TMEM132D: variants seen among roughly 807,000 people sequenced by gnomAD.
The protein encoded by TMEM132D is mature OL transmembrane protein.
TMEM132D carries 21 observed loss-of-function variants against 62.3 expected under a neutral mutation model. That is an observed-to-expected ratio of 0.34 (90% CI 0.24 to 0.49). TMEM132D has a LOEUF of 0.49. Among genes scored for constraint, TMEM132D ranks in the 20% least tolerant of loss-of-function variants. The pLI is 0.99. For synonymous variants in TMEM132D, 621 were observed against 575.6 expected, an observed-to-expected ratio of 1.08 and a Z score of -1.13; for missense variants, 1,346 against 1,402.8, an observed-to-expected ratio of 0.96 and a Z score of 0.65.
At chr12:129,765,702 A>G (rs192133964) in intron 1 of TMEM132D, among the ~76,000 whole-genome samples, 5 of 152,230 alleles carry the variant, frequency 3.3e-5, no homozygotes, top group Admixed American at 3.3e-4. Context: ...ATGTGTTTCA[A>G]TATCACCCAT....
chr12:129,609,701 G>A (rs867564987), intron 2 of TMEM132D, among the ~76,000 whole-genome samples: 5 of 152,164 alleles, frequency 3.3e-5, no homozygotes, highest in East Asian at 3.9e-4. Flanking sequence ...CTCATCCCAC[G>A]AAGAGGTCGG....
At chr12:129,729,176 AT>A (rs1459983298) in intron 1 of TMEM132D, among the ~76,000 whole-genome samples, 1 of 152,160 alleles carries the variant, frequency 6.6e-6, no homozygotes, top group Non-Finnish European at 1.5e-5. Context: ...CTTATGCCTC[AT>A]TTGTATTACC....
chr12:129,187,890 C>A (rs753661432), intron 5 of TMEM132D, among the ~76,000 whole-genome samples: 1 of 152,202 alleles, frequency 6.6e-6, no homozygotes, highest in East Asian at 1.9e-4. Flanking sequence ...TCACTGTCAC[C>A]CTATCCTGTA....
chr12:129,368,355 A>T (rs1054715607), intron 3 of TMEM132D, among the ~76,000 whole-genome samples: 1 of 152,092 alleles, frequency 6.6e-6, no homozygotes, highest in African/African-American at 2.4e-5. Context: ...AATATTCCTT[A>T]ACCCCTTCCA....
At chr12:129,246,765 CAAAA>C (rs60215528) in intron 4 of TMEM132D, among the ~76,000 whole-genome samples, 53,419 of 148,406 alleles carry the variant, frequency 0.36, 9,989 homozygotes, top group African/African-American at 0.49. Context: ...GACTCTATCT[CAAAA>C]AAAAAAAAAA....
intron 5 of TMEM132D, among the ~76,000 whole-genome samples, chr12:129,089,547 G>A (rs74374329): frequency 3.3e-5 from 4 of 122,050 alleles, no homozygotes; most frequent in African/African-American, 1.3e-4. Flanking sequence ...CTCCATGACC[G>A]GGTGTCCTCC....
intron 5 of TMEM132D, among the ~76,000 whole-genome samples, chr12:129,147,337 T>TA (rs1168491506): frequency 6.7e-6 from 1 of 149,606 alleles, no homozygotes; most frequent in Non-Finnish European, 1.5e-5. Flanking sequence ...TACATATATA[T>TA]TTTTTCTGAA....
At chr12:129,254,098 C>T (rs2135591928) in intron 4 of TMEM132D, among the ~76,000 whole-genome samples, 1 of 152,226 alleles carries the variant, frequency 6.6e-6, no homozygotes. Context: ...GCCCAAGATG[C>T]CTAAATACAC....
intron 1 of TMEM132D, among the ~76,000 whole-genome samples, chr12:129,731,498 G>A (rs1023158407): frequency 6.6e-6 from 1 of 152,106 alleles, no homozygotes; most frequent in Non-Finnish European, 1.5e-5. Flanking sequence ...AAGGGAGGAA[G>A]TAACCAAGGG....
chr12:129,599,100 G>A (rs1878422259), intron 2 of TMEM132D, among the ~76,000 whole-genome samples: 1 of 152,162 alleles, frequency 6.6e-6, no homozygotes, highest in African/African-American at 2.4e-5. Flanking sequence ...AGGGGACCAA[G>A]CTGAGGATGC....
At chr12:129,807,251 C>A (rs1025508782) in intron 1 of TMEM132D, among the ~76,000 whole-genome samples, 31 of 152,114 alleles carry the variant, frequency 2.0e-4, no homozygotes, top group African/African-American at 7.2e-4. Flanking sequence ...CCCCAGGGAG[C>A]GGAGTCCACC....
chr12:129,777,410 G>A (rs1029525245), intron 1 of TMEM132D, among the ~76,000 whole-genome samples: 3 of 152,244 alleles, frequency 2.0e-5, no homozygotes, highest in East Asian at 1.9e-4. Context: ...ATCCACTTGC[G>A]AGCTAGATTC....
Position 129,630,402 on chromosome 12 carries a change from A to C in TMEM132D, c.968+69408T>G, listed in dbSNP as rs1179762563. 4.6e-5 allele frequency among the ~76,000 whole-genome samples: 7 copies of C among 151,780 alleles called. No homozygotes were observed. The East Asian group carries it at 1.4e-3, about 29-fold the overall frequency. On this transcript the variant is annotated intron_variant, in intron 2 of 8. Coordinates refer to ENST00000422113, the MANE Select transcript of TMEM132D (RefSeq NM_133448.3). ...GGTAGCCAAGGAGTATTAAGGCTGAAAATGGCTCATTTTCACATTCTTGAT... is the reference window on the plus strand; with the variant it reads ...GGTAGCCAAGGAGTATTAAGGCTGACAATGGCTCATTTTCACATTCTTGAT...
chr12:129,813,630 A>ATATATATATATATATATATATATATT (rs1555233398), intron 1 of TMEM132D, among the ~76,000 whole-genome samples: 1 of 147,056 alleles, frequency 6.8e-6, no homozygotes, highest in Non-Finnish European at 1.5e-5. Context: ...ATATATATAT[A>ATATATATATATATATATATATATATT]TTTTCAGGAC....
intron 2 of TMEM132D, among the ~76,000 whole-genome samples, chr12:129,683,563 T>G (rs1440565821): frequency 6.6e-6 from 1 of 152,130 alleles, no homozygotes; most frequent in African/African-American, 2.4e-5. Context: ...TAAACCTGGA[T>G]GTGATGAGGG....
chr12:129,074,021 CGGT>C lies in TMEM132D; in HGVS notation c.3151_3153del (p.Thr1051del). ...GGGTACTCGTCGTCTGAGGAGACGG[CGGT>C]GAAGGTGGTAAATTTTACCCTTTTC... is the stretch of plus-strand genomic sequence containing the variant. On this transcript the variant is annotated inframe_deletion, in exon 9 of 9. Transcript: ENST00000422113. 6.2e-7 allele frequency: 1 copy of C among 1,613,910 alleles called. No individual in the cohort carries two copies. The highest frequency in any genetic ancestry group is 1.1e-5 in the South Asian group (1 of 91,028).
chr12:129,682,437 G>C (rs1880800310), intron 2 of TMEM132D, among the ~76,000 whole-genome samples: 1 of 152,080 alleles, frequency 6.6e-6, no homozygotes, highest in Non-Finnish European at 1.5e-5. Context: ...TGTGACTCTG[G>C]GCTCTTCCTC....
chr12:129,156,018 A>C (rs1043284220), intron 5 of TMEM132D, among the ~76,000 whole-genome samples: 1 of 151,702 alleles, frequency 6.6e-6, no homozygotes, highest in African/African-American at 2.4e-5. Flanking sequence ...ACAAACTCCC[A>C]AAATAACCAA....
chr12:129,530,563 A>T (rs531967958), intron 3 of TMEM132D, among the ~76,000 whole-genome samples: 6 of 152,328 alleles, frequency 3.9e-5, no homozygotes, highest in Middle Eastern at 6.8e-3. Flanking sequence ...ATTCCCTGCA[A>T]TTCTACTGCA....
Sources: gnomAD v4.1 joint callset for allele counts (sites outside exome capture counted in the v4.1 genomes callset) on GRCh38, gnomAD v4.1.1 for gene constraint, MANE v1.5 for transcripts, NCBI Gene and HGNC (gene_info 2026-07-23, HGNC 2026-07-21) for gene names.